Variants in ANK2 observed in about 807,000 individuals in gnomAD.
The protein encoded by ANK2 is ankyrin 2.
In ANK2, 83 loss-of-function variants were observed where a neutral mutation model predicts 360.5. That is an observed-to-expected ratio of 0.23 (90% CI 0.19 to 0.28). The LOEUF is 0.28. ANK2 is among the 10% of genes least tolerant of loss of function. ANK2 has a pLI of 1.00. For missense variants in ANK2, 4,201 were observed against 4,795.7 expected (o/e 0.88, Z 3.66); for synonymous variants, 1,740 against 1,759.5 (o/e 0.99, Z 0.28).
Position 113,255,715 on chromosome 4 carries a change from T to A in ANK2, c.991-20T>A. On this transcript the variant is annotated intron_variant, in intron 10 of 45. Coordinates refer to ENST00000357077, the MANE Select transcript of ANK2 (RefSeq NM_001148.6). ...ATGAAAAAAAAAAAGGACATTATTTTGTTTTCTTTTAATGTGCAGAATGGG... is the reference window on the plus strand; with the variant it reads ...ATGAAAAAAAAAAAGGACATTATTTAGTTTTCTTTTAATGTGCAGAATGGG... 1.2e-6 allele frequency: 2 copies of A among 1,613,242 alleles called. No individual in the cohort carries two copies. Among genetic ancestry groups the A allele is most frequent in the Non-Finnish European group, 1.7e-6 (2 of 1,179,290 alleles).
At chr4:113,216,514 C>T (rs185264744) in intron 4 of ANK2, among the ~76,000 whole-genome samples, 3 of 152,290 alleles carry the variant, frequency 2.0e-5, no homozygotes, top group Admixed American at 2.0e-4. Flanking sequence ...AATGAAATGC[C>T]TTATGAAGGC....
chr4:113,224,880 T>G (rs931109588), intron 4 of ANK2, among the ~76,000 whole-genome samples: 2 of 150,968 alleles, frequency 1.3e-5, no homozygotes, highest in East Asian at 1.9e-4. Context: ...TTTGAAGTTT[T>G]TTTTTTTTTT....
At chr4:112,957,663 C>A in intron 2 of ANK2, among the ~76,000 whole-genome samples, 1 of 151,270 alleles carries the variant, frequency 6.6e-6, no homozygotes, top group East Asian at 2.0e-4. Context: ...CCACCTCCCT[C>A]CCGGACGGGG....
At chr4:112,962,668 A>G (rs534104553) in intron 2 of ANK2, among the ~76,000 whole-genome samples, 18 of 152,300 alleles carry the variant, frequency 1.2e-4, no homozygotes, top group East Asian at 3.9e-4. Context: ...CTAACAGCGC[A>G]TAAGTGTTCA....
rs17045189 is a variant in ANK2 at position 112,969,492 on chromosome 4, A to G, written c.21+64978A>G. ...AATGTTGACACCTTTTGCTGCTTCT[A>G]CAAGTTCAGACTCTCCAGGGAAGGC... On this transcript the variant is annotated intron_variant, in intron 2 of 30. Coordinates refer to the ANK2 transcript ENST00000503271. 7.8e-3 allele frequency among the ~76,000 whole-genome samples: 1,188 copies of G among 152,160 alleles called. 17 individuals are homozygous for G. Among genetic ancestry groups the G allele is most frequent in the African/African-American group, 0.027 (1,105 of 41,516 alleles).
intron 1 of ANK2, among the ~76,000 whole-genome samples, chr4:112,820,592 G>A (rs753997315): frequency 6.6e-6 from 1 of 152,190 alleles, no homozygotes; most frequent in African/African-American, 2.4e-5. Flanking sequence ...GCAATAGATT[G>A]GAAAGTCAAT....
At chr4:112,731,932 A>G in the ANK2 span, among the ~76,000 whole-genome samples, 1 of 152,176 alleles carries the variant, frequency 6.6e-6, no homozygotes, top group African/African-American at 2.4e-5. Flanking sequence ...CCGGGACAAC[A>G]GGTGTGCGGC....
At chr4:112,843,414 G>A (rs1353907525) in intron 1 of ANK2, among the ~76,000 whole-genome samples, 1 of 152,128 alleles carries the variant, frequency 6.6e-6, no homozygotes, top group African/African-American at 2.4e-5. Context: ...AAGAGGCTGC[G>A]AGAACAACAT....
At chr4:112,718,243 C>T in the ANK2 span, among the ~76,000 whole-genome samples, 3 of 152,204 alleles carry the variant, frequency 2.0e-5, no homozygotes, top group Non-Finnish European at 4.4e-5. Context: ...GTTAAAGAAA[C>T]CCAGTTGATG....
At chr4:113,372,602 G>A in intron 43 of ANK2, 1 of 1,535,850 alleles carries the variant, frequency 6.5e-7, no homozygotes, top group South Asian at 1.2e-5. Flanking sequence ...TACCAGGGTT[G>A]TCCGCCGGCG....
At position 113,080,792 on chromosome 4, in the gene ANK2, A is replaced by C. The variant is rs971610175; in HGVS notation, c.84+30980A>C. On this transcript the variant is annotated intron_variant, in intron 1 of 45. Transcript: ENST00000357077. ...TTTGTCCCTGTAGAACTGTGTTTGG[A>C]ATCAGGCTTGTTAGGACAGAAAATC... is the stretch of plus-strand genomic sequence containing the variant. 2.0e-5 allele frequency among the ~76,000 whole-genome samples: 3 copies of C among 152,104 alleles called. No individual in the cohort carries two copies. In the East Asian group the frequency reaches 5.8e-4, roughly 29 times the overall value.
chr4:113,241,075 A>C (rs1312419705), intron 8 of ANK2, among the ~76,000 whole-genome samples: 1 of 152,234 alleles, frequency 6.6e-6, no homozygotes, highest in Non-Finnish European at 1.5e-5. Context: ...CTGTTATTAG[A>C]AAGAATTCAC....
intron 1 of ANK2, among the ~76,000 whole-genome samples, chr4:113,135,927 G>A (rs969212642): frequency 2.6e-5 from 4 of 152,030 alleles, no homozygotes; most frequent in African/African-American, 4.8e-5. Context: ...TGCTATTCTC[G>A]GAGATTCATT....
At chr4:113,253,997 C>T (rs6814721) in intron 10 of ANK2, among the ~76,000 whole-genome samples, 53,171 of 152,008 alleles carry the variant, frequency 0.35, 10,665 homozygotes, top group Non-Finnish European at 0.46. Context: ...CGATCATGCC[C>T]GTTATAATCC....
chr4:112,785,565 G>A, the ANK2 span, among the ~76,000 whole-genome samples: 1 of 151,922 alleles, frequency 6.6e-6, no homozygotes, highest in African/African-American at 2.4e-5. Context: ...TAGAGACGGG[G>A]TTTCACCATG....
intron 2 of ANK2, among the ~76,000 whole-genome samples, chr4:112,931,164 A>C (rs2154237208): frequency 6.6e-6 from 1 of 152,256 alleles, no homozygotes; most frequent in East Asian, 1.9e-4. Flanking sequence ...TCGACTCTGC[A>C]CATGGCTAGG....
At chr4:113,263,905 T>G (rs767884073) in intron 13 of ANK2, among the ~76,000 whole-genome samples, 2 of 152,166 alleles carry the variant, frequency 1.3e-5, no homozygotes, top group Non-Finnish European at 2.9e-5. Context: ...GACAGTAGAG[T>G]AATAACCGGC....
At chr4:113,236,845 A>G in intron 5 of ANK2, 142 bp from the exon 6 acceptor site, 1 of 846,732 alleles carries the variant, frequency 1.2e-6, no homozygotes, top group Non-Finnish European at 1.9e-6. Flanking sequence ...ACTGGTTATA[A>G]TCTGCTTCTA....
At chr4:113,182,080 T>C (rs2098427712) in intron 2 of ANK2, among the ~76,000 whole-genome samples, 1 of 152,058 alleles carries the variant, frequency 6.6e-6, no homozygotes, top group Non-Finnish European at 1.5e-5. Flanking sequence ...GGCAGGAGAA[T>C]TGGTGAGACG....
Sources: gnomAD v4.1 joint callset for allele counts (sites outside exome capture counted in the v4.1 genomes callset) on GRCh38, gnomAD v4.1.1 for gene constraint, MANE v1.5 for transcripts, NCBI Gene and HGNC (gene_info 2026-07-23, HGNC 2026-07-21) for gene names.